Variants in FUT8 observed in about 807,000 individuals in gnomAD.
FUT8 encodes fucosyltransferase 8.
Under a neutral mutation model 71.3 loss-of-function variants are expected in FUT8, and 29 were observed. The ratio of observed to expected loss-of-function variants is 0.41; its 90% confidence interval spans 0.30 to 0.55. The LOEUF is 0.55. Among genes scored for constraint, FUT8 ranks in the 20% least tolerant of loss-of-function variants. FUT8 has a pLI of 0.34. For missense variants in FUT8, 544 were observed against 702.1 expected (o/e 0.77, Z 2.55); for synonymous variants, 254 against 239.3 (o/e 1.06, Z -0.57).
At position 65,652,629 on chromosome 14, in the gene FUT8, A is replaced by G. The variant is rs1457838626; in HGVS notation, c.598-16614A>G. Among the ~76,000 whole-genome samples, 1 of 152,066 alleles carries G rather than the reference A, an allele frequency of 6.6e-6. No homozygotes were observed. The highest frequency in any genetic ancestry group is 2.4e-5 in the African/African-American group (1 of 41,420). ...CTTATTAGGTAAACAACGTGTTCTT[A>G]GTGCTTAAGCACTTTTTTTTTTTTT... On this transcript the variant is annotated intron_variant, in intron 6 of 10. Transcript: ENST00000673929. The surrounding 1 kb of genome is among the most constrained non-coding windows in gnomAD (Gnocchi z 4.0).
intron 1 of FUT8, among the ~76,000 whole-genome samples, chr14:65,416,350 G>C (rs1324263070): frequency 2.0e-5 from 3 of 148,616 alleles, no homozygotes; most frequent in Admixed American, 2.0e-4. Context: ...ATGTGATCTT[G>C]CTGTTTTGTC....
chr14:65,641,740 T>TG (rs1483344436), intron 6 of FUT8, among the ~76,000 whole-genome samples: 2 of 137,788 alleles, frequency 1.5e-5, no homozygotes, highest in African/African-American at 5.1e-5. Context: ...TGGTTTTTTT[T>TG]TGTGTGTATG....
chr14:65,617,190 A>C, intron 5 of FUT8: 1 of 1,543,022 alleles, frequency 6.5e-7, no homozygotes, highest in South Asian at 1.3e-5. Context: ...TACCCCATAC[A>C]AGTAAGAGAT....
intron 2 of FUT8, among the ~76,000 whole-genome samples, chr14:65,547,942 A>C (rs1885066926): frequency 6.6e-6 from 1 of 151,886 alleles, no homozygotes; most frequent in Admixed American, 6.6e-5. Flanking sequence ...TCCAAGATTC[A>C]ATTCAGGATA....
intron 7 of FUT8, among the ~76,000 whole-genome samples, chr14:65,699,390 A>G (rs772760144): frequency 6.3e-4 from 96 of 152,252 alleles, no homozygotes; most frequent in Non-Finnish European, 1.2e-3. Context: ...TACTTGCCCC[A>G]TAGGATTGTT....
intron 2 of FUT8, among the ~76,000 whole-genome samples, chr14:65,495,569 T>C (rs1190858729): frequency 6.6e-6 from 1 of 152,208 alleles, no homozygotes; most frequent in East Asian, 1.9e-4. Context: ...TATAATATAT[T>C]TAATTTTTAA....
intron 1 of FUT8, among the ~76,000 whole-genome samples, chr14:65,414,396 G>T (rs575370892): frequency 6.6e-6 from 1 of 152,132 alleles, no homozygotes; most frequent in Non-Finnish European, 1.5e-5. Context: ...TTTTAGGAGA[G>T]AAATTATTAT....
intron 3 of FUT8, among the ~76,000 whole-genome samples, chr14:65,606,857 A>T (rs980144957): frequency 6.6e-6 from 1 of 151,874 alleles, no homozygotes; most frequent in Non-Finnish European, 1.5e-5. Context: ...TTAGAATTGT[A>T]TTTAATTTAT....
chr14:65,661,163 G>A (rs1483690611), intron 6 of FUT8, among the ~76,000 whole-genome samples: 1 of 152,134 alleles, frequency 6.6e-6, no homozygotes, highest in Non-Finnish European at 1.5e-5. Flanking sequence ...GGGAGGAGCT[G>A]GAAGGATCTC....
At chr14:65,544,481 T>C (rs1884871416) in intron 2 of FUT8, among the ~76,000 whole-genome samples, 1 of 152,132 alleles carries the variant, frequency 6.6e-6, no homozygotes, top group Non-Finnish European at 1.5e-5. Context: ...AAAATGGTGA[T>C]ATATATACAC....
intron 1 of FUT8, among the ~76,000 whole-genome samples, chr14:65,415,731 C>T (rs1056139201): frequency 4.8e-5 from 7 of 144,460 alleles, no homozygotes; most frequent in Non-Finnish European, 9.0e-5. Flanking sequence ...AAAAATGGAC[C>T]TTTTAGACAT....
At position 65,607,021 on chromosome 14, in the gene FUT8, GT is replaced by G. The variant is rs1272625326; in HGVS notation, c.204-8956del. Among the ~76,000 whole-genome samples the G allele has an allele frequency of 6.6e-6, 1 of 151,834 alleles. No homozygotes were observed. Among genetic ancestry groups the G allele is most frequent in the East Asian group, 1.9e-4 (1 of 5,202 alleles). ...TTTTAAAAAACACATTTAGTAATTTGTGGTTGTTGTTGTATAGAGACTTTAA... is the reference window on the plus strand; with the variant it reads ...TTTTAAAAAACACATTTAGTAATTTGGGTTGTTGTTGTATAGAGACTTTAA... On this transcript the variant is annotated intron_variant, in intron 3 of 10. Coordinates refer to ENST00000673929, the MANE Select transcript of FUT8 (RefSeq NM_001371533.1). The surrounding 1 kb of genome is among the most constrained non-coding windows in gnomAD (Gnocchi z 4.1).
chr14:65,723,948 G>C (rs1032445687), intron 8 of FUT8, among the ~76,000 whole-genome samples, 199 bp from the exon 9 acceptor site: 1 of 152,004 alleles, frequency 6.6e-6, no homozygotes, highest in Non-Finnish European at 1.5e-5. Context: ...CCCTTGTATT[G>C]TTTAGCCTGC....
intron 9 of FUT8, among the ~76,000 whole-genome samples, chr14:65,729,082 T>A (rs1333454234): frequency 9.8e-5 from 14 of 142,576 alleles, no homozygotes; most frequent in Non-Finnish European, 2.1e-4. Flanking sequence ...CTGGAATGCG[T>A]TGGTGCAAGC....
chr14:65,534,891 T>C (rs1233287310), intron 2 of FUT8, among the ~76,000 whole-genome samples: 2 of 151,758 alleles, frequency 1.3e-5, no homozygotes, highest in Non-Finnish European at 2.9e-5. Flanking sequence ...CATTGATCTT[T>C]TGGATGATTT....
chr14:65,489,854 A>G lies in FUT8; in HGVS notation c.-228+34136A>G, dbSNP rs182999176. The stretch of plus-strand genomic sequence containing the variant: ...AACTTACATGCAAGTTTTTGCACAA[A>G]TATCAAAGAAATTCAGTGTACTTTC... On this transcript the variant is annotated intron_variant, in intron 2 of 10. Transcript: ENST00000673929. The surrounding 1 kb of genome is among the most constrained non-coding windows in gnomAD (Gnocchi z 4.0). Among the ~76,000 whole-genome samples the G allele has an allele frequency of 2.0e-3, 312 of 152,230 alleles. 2 individuals carry two copies. Among genetic ancestry groups the G allele is most frequent in the African/African-American group, 6.6e-3 (275 of 41,564 alleles).
At chr14:65,568,866 TATTCA>T (rs976593221) in intron 3 of FUT8, among the ~76,000 whole-genome samples, 13 of 151,820 alleles carry the variant, frequency 8.6e-5, no homozygotes, top group African/African-American at 3.1e-4. Context: ...TCCTTCCTGT[TATTCA>T]GTTCTTTCAT....
At chr14:65,490,181 C>T (rs1393737145) in intron 2 of FUT8, among the ~76,000 whole-genome samples, 1 of 152,022 alleles carries the variant, frequency 6.6e-6, no homozygotes, top group Non-Finnish European at 1.5e-5. Context: ...CCTTTTGCAT[C>T]TCTTTCACCC....
chr14:65,610,639 T>G (rs1477849202), intron 3 of FUT8, among the ~76,000 whole-genome samples: 2 of 151,934 alleles, frequency 1.3e-5, no homozygotes, highest in Admixed American at 1.3e-4. Flanking sequence ...TCCGCCTGCC[T>G]CGGCCTCCCA....
Sources: allele counts gnomAD v4.1 joint callset (sites outside exome capture counted in the v4.1 genomes callset), GRCh38; gene constraint gnomAD v4.1.1; non-coding constraint Gnocchi (gnomAD v3.1); transcripts MANE v1.5; gene names NCBI Gene and HGNC (gene_info 2026-07-23, HGNC 2026-07-21).